Variants in DLC1 observed in about 807,000 individuals in gnomAD.
The protein encoded by DLC1 is DLC1 Rho GTPase activating protein, also known as rho GTPase-activating protein 7.
DLC1 carries 54 observed loss-of-function variants against 140.3 expected under a neutral mutation model. The ratio of observed to expected loss-of-function variants is 0.38; its 90% CI spans 0.31 to 0.48. The LOEUF (loss-of-function observed/expected upper bound fraction) is 0.48, where lower values mean the gene tolerates loss of function less well. DLC1 is among the 20% of genes least tolerant of loss of function. The probability of loss-of-function intolerance (pLI) is 0.96; values close to 1 mark genes in which losing one functional copy is unlikely to be tolerated. For synonymous variants in DLC1, 986 were observed against 728.1 expected, an observed-to-expected ratio of 1.35 and a Z score of -5.70; for missense variants, 2,536 against 1,907.0, an observed-to-expected ratio of 1.33 and a Z score of -6.14.
chr8:13,153,702 T>G (rs1824017431), intron 5 of DLC1, among the ~76,000 whole-genome samples: 2 of 152,122 alleles, frequency 1.3e-5, no homozygotes, highest in South Asian at 4.1e-4. Context: ...GTAAAAGTTC[T>G]CCAAGTCCCC....
At chr8:13,255,157 G>A (rs1234881741) in intron 5 of DLC1, among the ~76,000 whole-genome samples, 1 of 151,956 alleles carries the variant, frequency 6.6e-6, no homozygotes, top group Non-Finnish European at 1.5e-5. Flanking sequence ...TTTAAGTAGA[G>A]ATGGGTTTCT....
At chr8:13,321,536 C>CAAAAAA (rs1486480504) in intron 4 of DLC1, among the ~76,000 whole-genome samples, 1 of 6,128 alleles carries the variant, frequency 1.6e-4, no homozygotes, top group African/African-American at 3.2e-4. Context: ...GACTCAGTCT[C>CAAAAAA]AAAAAAGAAA....
intron 5 of DLC1, among the ~76,000 whole-genome samples, chr8:13,129,816 G>T (rs182740629): frequency 2.8e-3 from 430 of 152,322 alleles, no homozygotes; most frequent in Middle Eastern, 6.8e-3. Context: ...AGGGAGGAAG[G>T]GGAAACATCT....
intron 1 of DLC1, among the ~76,000 whole-genome samples, chr8:13,584,743 G>A (rs1805240003): frequency 6.6e-6 from 1 of 152,150 alleles, no homozygotes; most frequent in African/African-American, 2.4e-5. Context: ...ATATTCCGAA[G>A]GGCAACTTTC....
chr8:13,155,348 C>A, intron 5 of DLC1, among the ~76,000 whole-genome samples: 1 of 141,032 alleles, frequency 7.1e-6, no homozygotes, highest in African/African-American at 2.5e-5. Context: ...AAAACCACCT[C>A]CACCAAAAAG....
intron 1 of DLC1, among the ~76,000 whole-genome samples, chr8:13,523,748 G>A (rs1160338354): frequency 4.6e-5 from 7 of 152,124 alleles, no homozygotes; most frequent in Non-Finnish European, 1.0e-4. Context: ...CAAGATTGGA[G>A]ACACAAATAA....
intron 14 of DLC1, among the ~76,000 whole-genome samples, chr8:13,090,813 T>C (rs1413281663): frequency 5.3e-5 from 8 of 150,884 alleles, no homozygotes; most frequent in South Asian, 2.1e-4. Context: ...TTCTTTCTTT[T>C]TTTTTTTTTT....
intron 1 of DLC1, among the ~76,000 whole-genome samples, chr8:13,538,856 T>C (rs1803388331): frequency 6.6e-6 from 1 of 152,182 alleles, no homozygotes; most frequent in Non-Finnish European, 1.5e-5. Context: ...CTCTCTACTA[T>C]CCCACAGTTC....
chr8:13,527,542 T>C (rs1328007033), intron 1 of DLC1, among the ~76,000 whole-genome samples: 1 of 152,308 alleles, frequency 6.6e-6, no homozygotes, highest in East Asian at 1.9e-4. Context: ...TCTGTTGTTT[T>C]ATTCTTCTCT....
chr8:13,111,628 G>A (rs956130624), intron 6 of DLC1, among the ~76,000 whole-genome samples: 7 of 152,138 alleles, frequency 4.6e-5, no homozygotes, highest in Admixed American at 4.6e-4. Flanking sequence ...GGAGAGCGGA[G>A]GTAGCCGCTG....
chr8:13,583,604 T>G (rs1396227347), intron 1 of DLC1, among the ~76,000 whole-genome samples: 1 of 152,200 alleles, frequency 6.6e-6, no homozygotes, highest in African/African-American at 2.4e-5. Flanking sequence ...CACAATAAAG[T>G]GAAGCACTAT....
chr8:13,114,567 C>T (rs1820384545), intron 6 of DLC1, among the ~76,000 whole-genome samples: 1 of 151,814 alleles, frequency 6.6e-6, no homozygotes, highest in Admixed American at 6.6e-5. Flanking sequence ...AACTGAATGC[C>T]ACAGAAAACA....
At chr8:13,141,256 CAAAAAAAA>C (rs34321250) in intron 5 of DLC1, among the ~76,000 whole-genome samples, 14 of 63,762 alleles carry the variant, frequency 2.2e-4, no homozygotes, top group South Asian at 1.8e-3. Context: ...GAGTCTGTCT[CAAAAAAAA>C]AAAAAAAAAA....
chr8:13,300,934 A>G (rs980570046), intron 5 of DLC1, among the ~76,000 whole-genome samples: 1 of 152,214 alleles, frequency 6.6e-6, no homozygotes, highest in African/African-American at 2.4e-5. Context: ...TCCAGTGGAA[A>G]GTGAAGGCCT....
At chr8:13,505,873 A>G (rs902277507) in intron 1 of DLC1, among the ~76,000 whole-genome samples, 15 of 152,232 alleles carry the variant, frequency 9.9e-5, no homozygotes, top group Admixed American at 2.0e-4. Context: ...TTTAAGATAC[A>G]TAAAATAACA....
chr8:13,353,747 T>C (rs1469750822), intron 4 of DLC1, among the ~76,000 whole-genome samples: 1 of 151,870 alleles, frequency 6.6e-6, no homozygotes, highest in East Asian at 1.9e-4. Context: ...AACCCAGCTA[T>C]TTGGGAGGCT....
At chr8:13,465,633 C>T (rs532479538) in intron 2 of DLC1, among the ~76,000 whole-genome samples, 13 of 151,968 alleles carry the variant, frequency 8.6e-5, no homozygotes, top group South Asian at 4.2e-4. Flanking sequence ...TATTTGAATA[C>T]TATTCTTTGT....
At chr8:13,391,086 T>A (rs1029890144) in intron 4 of DLC1, among the ~76,000 whole-genome samples, 8 of 152,214 alleles carry the variant, frequency 5.3e-5, no homozygotes, top group African/African-American at 1.9e-4. Flanking sequence ...CGATTGTCTT[T>A]GATGGTGGAG....
intron 5 of DLC1, among the ~76,000 whole-genome samples, chr8:13,235,560 A>T (rs1253479549): frequency 6.6e-6 from 1 of 152,058 alleles, no homozygotes; most frequent in Non-Finnish European, 1.5e-5. Context: ...TCTTGTACAA[A>T]TGAAAACAGA....
Sources: allele counts gnomAD v4.1 joint callset (sites outside exome capture counted in the v4.1 genomes callset), GRCh38; gene constraint gnomAD v4.1.1; transcripts MANE v1.5; gene names NCBI Gene and HGNC (gene_info 2026-07-23, HGNC 2026-07-21).